KCNH1: variants seen among roughly 807,000 people sequenced by gnomAD.
KCNH1 encodes voltage-gated delayed rectifier potassium channel KCNH1.
KCNH1 carries 27 observed loss-of-function variants against 69.2 expected under a neutral mutation model. The ratio of observed to expected loss-of-function variants is 0.39; its 90% CI spans 0.29 to 0.54. The LOEUF is 0.54. KCNH1 is among the 20% of genes least tolerant of loss of function. The pLI, the probability that KCNH1 is intolerant of heterozygous loss-of-function variation, is 0.68. For missense variants in KCNH1, 798 were observed against 1,261.6 expected (o/e 0.63, Z 5.57); for synonymous variants, 456 against 487.7 (o/e 0.93, Z 0.86).
In KCNH1 at chr1:210,922,857, A is replaced by T. The variant is rs139510831; in HGVS notation, c.1033-2788T>A. ...AAAGGAGTGTTTTTGATGACTCAGA[A>T]ATCAAACACCACATAAGCAGCCACC... On this transcript the variant is annotated intron_variant, in intron 6 of 10. Transcript: ENST00000271751. Among the ~76,000 whole-genome samples the T allele has an allele frequency of 3.2e-4, 49 of 152,276 alleles. 1 individual carries two copies. Among genetic ancestry groups the T allele is most frequent in the African/African-American group, 1.2e-3 (49 of 41,562 alleles).
At chr1:210,811,818 A>T (rs1311972543) in intron 7 of KCNH1, among the ~76,000 whole-genome samples, 1 of 152,202 alleles carries the variant, frequency 6.6e-6, no homozygotes, top group African/African-American at 2.4e-5. Context: ...AAGGAAACTG[A>T]GGTCCAAGAT....
intron 7 of KCNH1, among the ~76,000 whole-genome samples, chr1:210,857,109 A>C (rs1262153312): frequency 1.3e-5 from 2 of 151,862 alleles, no homozygotes; most frequent in Non-Finnish European, 2.9e-5. Context: ...CATGTTAACA[A>C]GACCCTCAGG....
At chr1:210,853,431 G>C (rs1685753820) in intron 7 of KCNH1, among the ~76,000 whole-genome samples, 1 of 152,206 alleles carries the variant, frequency 6.6e-6, no homozygotes, top group South Asian at 2.1e-4. Flanking sequence ...AACAGAGAGA[G>C]CTGGAGCTTG....
At chr1:210,995,223 C>G (rs1257340231) in intron 6 of KCNH1, among the ~76,000 whole-genome samples, 2 of 152,146 alleles carry the variant, frequency 1.3e-5, no homozygotes, top group African/African-American at 4.8e-5. Context: ...GGAACAGATT[C>G]AAGAGGCTTA....
At chr1:210,914,663 TA>T (rs1188203199) in intron 7 of KCNH1, among the ~76,000 whole-genome samples, 1 of 152,066 alleles carries the variant, frequency 6.6e-6, no homozygotes, top group African/African-American at 2.4e-5. Flanking sequence ...AGAGGTTACC[TA>T]AAGCATTAAT....
chr1:211,091,760 T>G (rs1483354788), intron 3 of KCNH1, among the ~76,000 whole-genome samples: 6 of 152,222 alleles, frequency 3.9e-5, no homozygotes, highest in Non-Finnish European at 7.3e-5. Flanking sequence ...AGGGCTATTC[T>G]GACTGGCTTC....
chr1:210,947,499 T>C (rs1687980575), intron 6 of KCNH1, among the ~76,000 whole-genome samples: 1 of 149,504 alleles, frequency 6.7e-6, no homozygotes, highest in Non-Finnish European at 1.5e-5. Context: ...GGCATGAACC[T>C]GGGGGGCGGA....
intron 6 of KCNH1, among the ~76,000 whole-genome samples, chr1:211,018,449 A>G (rs1225074414): frequency 6.6e-6 from 1 of 152,374 alleles, no homozygotes; most frequent in Middle Eastern, 3.4e-3. Flanking sequence ...CAATAGGTAG[A>G]CATTCAGCAA....
At chr1:211,092,657 T>C (rs949832576) in intron 3 of KCNH1, among the ~76,000 whole-genome samples, 7 of 152,188 alleles carry the variant, frequency 4.6e-5, no homozygotes, top group African/African-American at 1.2e-4. Flanking sequence ...TTTGGAAGTA[T>C]GTATTACTAT....
intron 6 of KCNH1, among the ~76,000 whole-genome samples, chr1:210,979,802 G>A (rs1450419152): frequency 6.6e-6 from 1 of 152,076 alleles, no homozygotes. Flanking sequence ...CCTATGTAAT[G>A]CTTTTCTTAT....
chr1:211,086,287 C>T (rs556985902), intron 4 of KCNH1, among the ~76,000 whole-genome samples: 1 of 152,152 alleles, frequency 6.6e-6, no homozygotes, highest in Non-Finnish European at 1.5e-5. Context: ...TCTTCAGTTT[C>T]AGGGGATATT....
chr1:211,121,898 G>A (rs1691692300), intron 1 of KCNH1, among the ~76,000 whole-genome samples: 1 of 152,226 alleles, frequency 6.6e-6, no homozygotes, highest in African/African-American at 2.4e-5. Context: ...CACTTTGGGA[G>A]ACCCAGGTGG....
chr1:210,712,868 C>G (rs1682112416), intron 10 of KCNH1, among the ~76,000 whole-genome samples: 1 of 152,172 alleles, frequency 6.6e-6, no homozygotes, highest in Admixed American at 6.5e-5. Context: ...GGTCCAGTGC[C>G]AAGGCCTTGA....
chr1:210,865,919 T>G (rs1056233745), intron 7 of KCNH1, among the ~76,000 whole-genome samples: 5 of 152,168 alleles, frequency 3.3e-5, no homozygotes, highest in African/African-American at 1.2e-4. Flanking sequence ...CCATCTCAGG[T>G]AGCTGATGGA....
At chr1:211,043,203 T>G (rs748915032) in intron 5 of KCNH1, among the ~76,000 whole-genome samples, 13 of 152,034 alleles carry the variant, frequency 8.6e-5, no homozygotes, top group Non-Finnish European at 1.9e-4. Context: ...GGATAGACCA[T>G]TAGCAAGATT....
At position 211,009,456 on chromosome 1, in the gene KCNH1, T is replaced by C. The variant is rs116552717; in HGVS notation, c.1032+9327A>G. Among the ~76,000 whole-genome samples the C allele has an allele frequency of 6.3e-3, 959 of 151,960 alleles. 9 individuals carry two copies. Among genetic ancestry groups the C allele is most frequent in the African/African-American group, 0.022 (894 of 41,444 alleles). On this transcript the variant is annotated intron_variant, in intron 6 of 10. Coordinates refer to ENST00000271751, the MANE Select transcript of KCNH1 (RefSeq NM_172362.3). ...AGAAGGGAAATATTCCTTGATCATA[T>C]GAGAAAGGAAACAAGTGAGGAGTGG...
At chr1:211,121,775 C>A (rs577451589) in intron 1 of KCNH1, among the ~76,000 whole-genome samples, 168 of 152,274 alleles carry the variant, frequency 1.1e-3, no homozygotes, top group African/African-American at 3.9e-3. Flanking sequence ...TTTTTGCAAT[C>A]TAGTCATTTG....
At chr1:210,990,170 C>A (rs539240833) in intron 6 of KCNH1, among the ~76,000 whole-genome samples, 3 of 152,314 alleles carry the variant, frequency 2.0e-5, no homozygotes, top group African/African-American at 4.8e-5. Context: ...GCTGGAGTTA[C>A]AGCCTTGCCA....
At chr1:210,772,815 A>G (rs925245332) in intron 10 of KCNH1, among the ~76,000 whole-genome samples, 3 of 152,132 alleles carry the variant, frequency 2.0e-5, no homozygotes, top group Non-Finnish European at 4.4e-5. Flanking sequence ...AAATCTGTCT[A>G]TAATTTTGGT....
Sources: gnomAD v4.1 joint callset for allele counts (sites outside exome capture counted in the v4.1 genomes callset) on GRCh38, gnomAD v4.1.1 for gene constraint, MANE v1.5 for transcripts, NCBI Gene and HGNC (gene_info 2026-07-23, HGNC 2026-07-21) for gene names.